Variants in ZNF385B observed in about 807,000 individuals in gnomAD.
The protein encoded by ZNF385B is zinc finger protein 385B.
In ZNF385B, 23 loss-of-function variants were observed where a neutral mutation model predicts 39.2. The ratio of observed to expected loss-of-function variants is 0.59; its 90% confidence interval spans 0.42 to 0.83. ZNF385B has a LOEUF of 0.83. ZNF385B is among the 40% of genes least tolerant of loss of function. The probability of loss-of-function intolerance (pLI) is 0.00; values close to 1 mark genes in which losing one functional copy is unlikely to be tolerated. For missense variants in ZNF385B, 552 were observed against 598.9 expected, an observed-to-expected ratio of 0.92 and a Z score of 0.82; for synonymous variants, 205 against 222.6, an observed-to-expected ratio of 0.92 and a Z score of 0.70.
chr2:179,627,177 C>T (rs1690735277), intron 3 of ZNF385B, among the ~76,000 whole-genome samples: 2 of 152,170 alleles, frequency 1.3e-5, no homozygotes, highest in South Asian at 4.1e-4. Context: ...GTTTGTGACA[C>T]TGTGCCTGAA....
intron 1 of ZNF385B, among the ~76,000 whole-genome samples, chr2:179,831,317 A>G (rs1034860724): frequency 1.3e-5 from 2 of 152,176 alleles, no homozygotes; most frequent in African/African-American, 4.8e-5. Flanking sequence ...TTTTCTAAGG[A>G]AACAGGAGCT....
At chr2:179,449,551 G>A (rs2049865586) in intron 6 of ZNF385B, among the ~76,000 whole-genome samples, 1 of 152,150 alleles carries the variant, frequency 6.6e-6, no homozygotes, top group Admixed American at 6.6e-5. Flanking sequence ...CAAGGGACAT[G>A]AAGGACCTCT....
intron 6 of ZNF385B, among the ~76,000 whole-genome samples, chr2:179,466,170 A>G (rs16866742): frequency 0.12 from 18,518 of 152,236 alleles, 1,484 homozygotes; most frequent in East Asian, 0.33. Flanking sequence ...GGTTAAAACA[A>G]TTCTCTTGAG....
At chr2:179,477,184 T>A (rs745509047) in intron 6 of ZNF385B, among the ~76,000 whole-genome samples, 1 of 152,022 alleles carries the variant, frequency 6.6e-6, no homozygotes, top group Non-Finnish European at 1.5e-5. Context: ...AACTATGAAG[T>A]ACACAGGGGA....
intron 3 of ZNF385B, among the ~76,000 whole-genome samples, chr2:179,684,813 T>C (rs185773581): frequency 6.6e-6 from 1 of 152,322 alleles, no homozygotes; most frequent in Non-Finnish European, 1.5e-5. Flanking sequence ...ACCTACCCTC[T>C]CCGAGGATTT....
intron 3 of ZNF385B, among the ~76,000 whole-genome samples, chr2:179,622,869 G>A (rs76754011): frequency 0.01 from 1,578 of 152,190 alleles, 10 homozygotes; most frequent in Non-Finnish European, 0.014. Flanking sequence ...GGAGGGACAT[G>A]CCTACAACAC....
rs372557519 is a variant in ZNF385B, at chr2:179,446,540, C to G, written c.946G>C (p.Glu316Gln). ...KVAVNSLSQL[E>Q]AHNTGSKHKT... ...AGCTGCTAACCTGTGTTGTGTGCCT[C>G]TAGCTGTGACAGGGAGTTCACAGCC... Residue 316 changes from glutamate to glutamine, a missense_variant, in exon 7 of 10, where the codon GAG becomes CAG. Coordinates refer to ENST00000410066, the MANE Select transcript of ZNF385B (RefSeq NM_152520.6). 1 of 1,613,906 alleles carries G rather than the reference C, an allele frequency of 6.2e-7. No individual in the cohort carries two copies. The highest frequency in any genetic ancestry group is 2.2e-5 in the East Asian group (1 of 44,874).
intron 4 of ZNF385B, among the ~76,000 whole-genome samples, chr2:179,532,414 T>C (rs2059307881): frequency 6.6e-6 from 1 of 152,090 alleles, no homozygotes; most frequent in Non-Finnish European, 1.5e-5. Context: ...GAATTCCTAA[T>C]CAAACAATGA....
chr2:179,645,292 G>C lies in ZNF385B; in HGVS notation c.299-100323C>G, dbSNP rs559363328. ...TTGTAATTTCTGACAGTGTGTTTGAGAAATGTTAAGCCTTCCAGGGCTGGC... is the reference window on the plus strand; with the variant it reads ...TTGTAATTTCTGACAGTGTGTTTGACAAATGTTAAGCCTTCCAGGGCTGGC... On this transcript the variant is annotated intron_variant, in intron 3 of 9. Transcript: ENST00000410066. 7.2e-5 allele frequency among the ~76,000 whole-genome samples: 11 copies of C among 152,292 alleles called. No homozygotes were observed. The South Asian group carries it at 2.3e-3, about 32-fold the overall frequency.
intron 5 of ZNF385B, among the ~76,000 whole-genome samples, chr2:179,489,139 C>T (rs367737956): frequency 1.2e-4 from 18 of 152,206 alleles, no homozygotes; most frequent in African/African-American, 3.6e-4. Context: ...CTGCAAGGGC[C>T]GGGCTCCGAA....
chr2:179,616,682 C>T (rs904761563), intron 3 of ZNF385B, among the ~76,000 whole-genome samples: 7 of 152,138 alleles, frequency 4.6e-5, no homozygotes, highest in Admixed American at 6.5e-5. Context: ...ACCTCAGCCT[C>T]CTGAGTAGCT....
intron 3 of ZNF385B, among the ~76,000 whole-genome samples, chr2:179,573,491 A>G (rs952101375): frequency 2.0e-5 from 3 of 152,180 alleles, no homozygotes; most frequent in Non-Finnish European, 2.9e-5. Flanking sequence ...TTGAAAACAA[A>G]CTTTTCAAAA....
chr2:179,543,424 A>G (rs1255251926), intron 4 of ZNF385B, among the ~76,000 whole-genome samples: 2 of 152,250 alleles, frequency 1.3e-5, no homozygotes, highest in African/African-American at 2.4e-5. Context: ...CCAAAGGCAC[A>G]TTAATCAAAA....
chr2:179,719,161 G>A (rs1304908565), intron 3 of ZNF385B, among the ~76,000 whole-genome samples: 1 of 151,922 alleles, frequency 6.6e-6, no homozygotes, highest in African/African-American at 2.4e-5. Context: ...TCCCCTTCCT[G>A]CCTCCACCCA....
In ZNF385B at chr2:179,489,954, C is replaced by T. The variant is rs148643580; in HGVS notation, c.553-6520G>A. Among the ~76,000 whole-genome samples the T allele has an allele frequency of 7.9e-5, 12 of 152,264 alleles. No individual in the cohort carries two copies. The East Asian group carries it at 2.1e-3, about 27-fold the overall frequency. On this transcript the variant is annotated intron_variant, in intron 5 of 9. Transcript: ENST00000410066. Reference sequence around the variant, plus strand: ...AATTGCTAATTTATAGCTAGTGAAACGCTACAAGTTGCTATGGCCTGTCTA... The same window carrying T: ...AATTGCTAATTTATAGCTAGTGAAATGCTACAAGTTGCTATGGCCTGTCTA...
At chr2:179,680,751 G>C (rs1697442343) in intron 3 of ZNF385B, among the ~76,000 whole-genome samples, 1 of 152,000 alleles carries the variant, frequency 6.6e-6, no homozygotes, top group African/African-American at 2.4e-5. Context: ...CTAAGATCTT[G>C]ATGTCTTGAG....
chr2:179,503,195 C>T (rs1467184572), intron 5 of ZNF385B, among the ~76,000 whole-genome samples: 2 of 152,238 alleles, frequency 1.3e-5, no homozygotes, highest in East Asian at 3.9e-4. Context: ...TGTATCATAT[C>T]TTTGTTTGTG....
chr2:179,829,579 T>A (rs1379346219), intron 1 of ZNF385B, among the ~76,000 whole-genome samples: 1 of 152,146 alleles, frequency 6.6e-6, no homozygotes, highest in East Asian at 1.9e-4. Flanking sequence ...AGTGGTGCTA[T>A]CTCGGCTCAC....
At chr2:179,857,260 G>A (rs956824709) in intron 1 of ZNF385B, among the ~76,000 whole-genome samples, 1 of 152,198 alleles carries the variant, frequency 6.6e-6, no homozygotes, top group Non-Finnish European at 1.5e-5. Flanking sequence ...CCTATGATAT[G>A]GCAGGCCCTG....
Sources: allele counts gnomAD v4.1 joint callset (sites outside exome capture counted in the v4.1 genomes callset), GRCh38; gene constraint gnomAD v4.1.1; transcripts MANE v1.5; gene names NCBI Gene and HGNC (gene_info 2026-07-23, HGNC 2026-07-21).